The following RFX3 variants were observed in gnomAD, a reference collection of about 807,000 sequenced individuals.
RFX3 encodes regulatory factor X3.
In RFX3, 14 loss-of-function variants were observed where a neutral mutation model predicts 98.6. The observed-to-expected ratio is 0.14, with a 90% confidence interval of 0.09 to 0.22. The LOEUF (loss-of-function observed/expected upper bound fraction) is 0.22, where lower values mean the gene tolerates loss of function less well. RFX3 is among the 10% of genes least tolerant of loss of function. The pLI is 1.00. For synonymous variants in RFX3, 383 were observed against 328.4 expected (o/e 1.17, Z -1.80); for missense variants, 639 against 926.9 (o/e 0.69, Z 4.03).
chr9:3,431,229 C>T (rs1050870348), intron 1 of RFX3, among the ~76,000 whole-genome samples: 8 of 152,080 alleles, frequency 5.3e-5, no homozygotes, highest in Non-Finnish European at 4.4e-5. Context: ...ACAGTTCTCA[C>T]GTATTTTTCA....
At chr9:3,463,050 G>A (rs979272217) in intron 1 of RFX3, among the ~76,000 whole-genome samples, 3 of 152,076 alleles carry the variant, frequency 2.0e-5, no homozygotes, top group African/African-American at 7.2e-5. Flanking sequence ...TTTTAAAAAT[G>A]TATATGAAAA....
chr9:3,225,175 C>T lies in RFX3; in HGVS notation c.2117G>A (p.Gly706Asp). The T allele has an allele frequency of 6.2e-7, 1 of 1,613,942 alleles. No individual in the cohort carries two copies. Residue 706 changes from glycine (G) to aspartate (D), a missense_variant, in exon 17 of 17, where the codon GGC becomes GAC. Physicochemically the swap from Gly to Asp is moderately conservative, Grantham distance 94. This residue lies in a region of RFX3 where 129 missense variants were observed against 124.6 expected (regional missense o/e 1.04). Coordinates refer to ENST00000617270, the MANE Select transcript of RFX3 (RefSeq NM_001282116.2). ...AGTCTCGAGAACAGGCTGCATGCAGCCCACTGGAAATGCCTGGCTCAGCTC... is the reference window on the plus strand; with the variant it reads ...AGTCTCGAGAACAGGCTGCATGCAGTCCACTGGAAATGCCTGGCTCAGCTC... The part of the protein sequence containing the change: ...KTELSQAFPV[G>D]CMQPVLETGV...
At chr9:3,463,253 C>T (rs1179391158) in intron 1 of RFX3, among the ~76,000 whole-genome samples, 1 of 151,912 alleles carries the variant, frequency 6.6e-6, no homozygotes, top group East Asian at 1.9e-4. Flanking sequence ...TCAATGAAAA[C>T]GCTAAGGTAA....
chr9:3,446,052 CA>C (rs767619451), intron 1 of RFX3, among the ~76,000 whole-genome samples: 4 of 152,098 alleles, frequency 2.6e-5, no homozygotes, highest in Non-Finnish European at 5.9e-5. Context: ...TCCTCAAAGA[CA>C]GTTACTCATC....
At chr9:3,490,337 C>T (rs1425904889) in intron 1 of RFX3, 7 of 983,130 alleles carry the variant, frequency 7.1e-6, no homozygotes, top group Non-Finnish European at 8.5e-6. Context: ...GCCAGAATGA[C>T]CAAGTGGCCT....
intron 1 of RFX3, among the ~76,000 whole-genome samples, chr9:3,512,754 A>C (rs1817772919): frequency 6.6e-6 from 1 of 152,086 alleles, no homozygotes; most frequent in South Asian, 2.1e-4. Context: ...CCCATTAGGT[A>C]AAAATCACAG....
chr9:3,290,687 G>C (rs959082426), intron 6 of RFX3, among the ~76,000 whole-genome samples: 5 of 152,118 alleles, frequency 3.3e-5, no homozygotes, highest in Non-Finnish European at 7.4e-5. Flanking sequence ...TTGAAGTACA[G>C]AAAGAAGGAA....
chr9:3,260,398 C>T (rs193206354), intron 13 of RFX3, among the ~76,000 whole-genome samples: 2 of 151,902 alleles, frequency 1.3e-5, no homozygotes, highest in Admixed American at 1.3e-4. Flanking sequence ...TGCTTATAAC[C>T]AGGGAAGAAC....
intron 11 of RFX3, among the ~76,000 whole-genome samples, chr9:3,269,008 G>C (rs539440406): frequency 1.3e-5 from 2 of 151,884 alleles, no homozygotes; most frequent in Non-Finnish European, 2.9e-5. Flanking sequence ...GGGAGCAAGA[G>C]AAAAACAAGG....
At chr9:3,425,958 G>A (rs1293625454) in intron 1 of RFX3, among the ~76,000 whole-genome samples, 2 of 151,934 alleles carry the variant, frequency 1.3e-5, no homozygotes, top group Non-Finnish European at 2.9e-5. Flanking sequence ...GTTCTTTTCA[G>A]TTCTTGAATT....
intron 2 of RFX3, among the ~76,000 whole-genome samples, chr9:3,357,186 A>T (rs928847602): frequency 3.3e-5 from 5 of 152,060 alleles, no homozygotes; most frequent in Non-Finnish European, 5.9e-5. Context: ...AAACAAAATA[A>T]CCAGGACACA....
chr9:3,415,341 A>G (rs1842895026), intron 1 of RFX3, among the ~76,000 whole-genome samples: 1 of 151,252 alleles, frequency 6.6e-6, no homozygotes, highest in African/African-American at 2.4e-5. Flanking sequence ...CAGTCTCCCA[A>G]AGTGCAGAGA....
intron 1 of RFX3, among the ~76,000 whole-genome samples, chr9:3,494,998 T>C (rs1054806006): frequency 6.6e-6 from 1 of 152,028 alleles, no homozygotes; most frequent in Non-Finnish European, 1.5e-5. Flanking sequence ...TTAATTAGTT[T>C]TTCTCACCTA....
intron 1 of RFX3, among the ~76,000 whole-genome samples, chr9:3,523,307 C>T (rs1164290370): frequency 1.3e-5 from 2 of 152,106 alleles, no homozygotes; most frequent in Non-Finnish European, 2.9e-5. Flanking sequence ...ATAGTCCCTT[C>T]TAGGAAAAAT....
At chr9:3,321,193 C>T (rs1053273881) in intron 4 of RFX3, among the ~76,000 whole-genome samples, 12 of 152,130 alleles carry the variant, frequency 7.9e-5, no homozygotes, top group African/African-American at 1.4e-4. Flanking sequence ...CGTGAGCCAC[C>T]GCCCCCGACC....
intron 1 of RFX3, among the ~76,000 whole-genome samples, chr9:3,467,180 A>G (rs1335020894): frequency 6.4e-5 from 9 of 141,064 alleles, no homozygotes; most frequent in South Asian, 4.2e-4. Flanking sequence ...TAATGTATAT[A>G]TGTATATACA....
At chr9:3,427,445 T>C (rs1276716788) in intron 1 of RFX3, among the ~76,000 whole-genome samples, 1 of 143,918 alleles carries the variant, frequency 6.9e-6, no homozygotes, top group East Asian at 2.0e-4. Context: ...TATATATTGT[T>C]ATATAATAAT....
intron 1 of RFX3, among the ~76,000 whole-genome samples, chr9:3,459,704 A>G (rs1017957783): frequency 6.6e-6 from 1 of 152,008 alleles, no homozygotes; most frequent in Admixed American, 6.6e-5. Context: ...CAGTAATTTC[A>G]TGGGGATTCT....
chr9:3,275,456 G>A, intron 9 of RFX3, 44 bp downstream of exon 9: 1 of 1,115,968 alleles, frequency 9.0e-7, no homozygotes, highest in Non-Finnish European at 1.4e-6. Context: ...CAAGTTATCT[G>A]GCAAAACCTA....
Sources: allele counts gnomAD v4.1 joint callset (sites outside exome capture counted in the v4.1 genomes callset), GRCh38; gene constraint gnomAD v4.1.1; regional missense constraint gnomAD v4.1.1; transcripts MANE v1.5; gene names NCBI Gene and HGNC (gene_info 2026-07-23, HGNC 2026-07-21).